MAP3K10: variants seen among roughly 807,000 people sequenced by gnomAD.
MAP3K10 encodes the protein mitogen-activated protein kinase kinase kinase 10.
In MAP3K10, 22 loss-of-function variants were observed where a neutral mutation model predicts 75.0. That is an observed-to-expected ratio of 0.29 (90% CI 0.21 to 0.42). MAP3K10 has a LOEUF of 0.42. Among genes scored for constraint, MAP3K10 ranks in the 10% least tolerant of loss-of-function variants. The pLI is 1.00. For missense variants in MAP3K10, 1,165 were observed against 1,379.8 expected (o/e 0.84, Z 2.47); for synonymous variants, 599 against 612.9 (o/e 0.98, Z 0.34).
chr19:40,196,948 A>G (rs1233820179), intron 1 of MAP3K10, among the ~76,000 whole-genome samples: 2 of 152,208 alleles, frequency 1.3e-5, no homozygotes, highest in Non-Finnish European at 2.9e-5. Flanking sequence ...CAACCCGGGT[A>G]GAAAGTAAGC....
At chr19:40,208,093 AC>A (rs1973156369) in intron 5 of MAP3K10, among the ~76,000 whole-genome samples, 1 of 152,112 alleles carries the variant, frequency 6.6e-6, no homozygotes, top group Non-Finnish European at 1.5e-5. Context: ...ACATATACAT[AC>A]CCAAGTTGCT....
At position 40,204,675 on chromosome 19, in the gene MAP3K10, T is replaced by C. The variant is rs772455490; in HGVS notation, c.1012+42T>C. 6.3e-7 allele frequency: 1 copy of C among 1,597,468 alleles called. No individual in the cohort carries two copies. The highest frequency in any genetic ancestry group is 8.5e-7 in the Non-Finnish European group (1 of 1,170,842). ...TGACGAGGGTAGGCTCAGCTTGGAG[T>C]GGCAGGGACCTGTGGGCCCAGACCT... On this transcript the variant is annotated intron_variant, in intron 3 of 9. Transcript: ENST00000253055. This position sits in a 1 kb window ranked among gnomAD's most constrained non-coding sequence, Gnocchi z 4.3.
chr19:40,209,349 C>A, intron 6 of MAP3K10, 130 bp downstream of exon 6: 3 of 598,344 alleles, frequency 5.0e-6, no homozygotes, highest in Non-Finnish European at 8.8e-6. Context: ...TTTCCTCATT[C>A]TTATCACAGG....
rs746603239 is a variant in MAP3K10, at chr19:40,213,624, C to T, written c.1945C>T (p.Arg649Trp). ...GCCTGCCGAGCCCTCCCCGGGGGCGCGGGCGCCGTGGGAGCCGACGCCGTC... is the reference window on the plus strand; with the variant it reads ...GCCTGCCGAGCCCTCCCCGGGGGCGTGGGCGCCGTGGGAGCCGACGCCGTC... ...PLPAEPSPGA[R>W]APWEPTPSAP... Residue 649 changes from arginine to tryptophan, a missense_variant, in exon 9 of 10, where the codon CGG (arginine) becomes TGG (tryptophan). Coordinates refer to ENST00000253055, the MANE Select transcript of MAP3K10 (RefSeq NM_002446.4). This position sits in a 1 kb window ranked among gnomAD's most constrained non-coding sequence, Gnocchi z 5.7. The T allele has an allele frequency of 2.6e-6, 4 of 1,533,910 alleles. No individual in the cohort carries two copies. Among genetic ancestry groups the T allele is most frequent in the South Asian group, 1.2e-5 (1 of 85,218 alleles).
chr19:40,192,262 C>A lies in MAP3K10; in HGVS notation c.231C>A (p.Ala77=), dbSNP rs1972831651. 6.2e-7 allele frequency: 1 copy of A among 1,601,332 alleles called. No homozygotes were observed. Among genetic ancestry groups the A allele is most frequent in the African/African-American group, 1.3e-5 (1 of 74,866 alleles). Residue 77 remains alanine (A), a synonymous_variant, in exon 1 of 10, where the codon GCC becomes GCA. Coordinates refer to ENST00000253055, the MANE Select transcript of MAP3K10 (RefSeq NM_002446.4). This position sits in a 1 kb window ranked among gnomAD's most constrained non-coding sequence, Gnocchi z 7.1. ...GCGTCTTCCCCAGCAACTACGTGGC[C>A]CCCGGCGCCCCCGCTGCACCCGCGG... ...RVGVFPSNYV[A]PGAPAAPAGL...
Position 40,209,535 on chromosome 19 carries a change from C to G in MAP3K10, c.1552+316C>G, listed in dbSNP as rs868006962. Among the ~76,000 whole-genome samples the G allele has an allele frequency of 3.3e-5, 5 of 152,044 alleles. 1 individual carries two copies. The South Asian group carries it at 1.0e-3, about 32-fold the overall frequency. The stretch of plus-strand genomic sequence containing the variant: ...TCCAGCGATTCTCCTGCCTCAGCCT[C>G]CCGAGTAGCTGTGGTTACAGTCACA... On this transcript the variant is annotated intron_variant, in intron 6 of 9. Coordinates refer to ENST00000253055, the MANE Select transcript of MAP3K10 (RefSeq NM_002446.4).
At position 40,205,633 on chromosome 19, in the gene MAP3K10, G is replaced by A. The variant is rs1056799387; in HGVS notation, c.1189-278G>A. ...TGAAATTGGATGATGGGTACAGGGG[G>A]GTGCACTGTTCTCTGCTTTTGTGGA... On this transcript the variant is annotated intron_variant, in intron 4 of 9. Coordinates refer to ENST00000253055, the MANE Select transcript of MAP3K10 (RefSeq NM_002446.4). This position sits in a 1 kb window ranked among gnomAD's most constrained non-coding sequence, Gnocchi z 4.3. 5.7e-6 allele frequency: 3 copies of A among 527,280 alleles called. No individual in the cohort carries two copies. The highest frequency in any genetic ancestry group is 6.1e-5 in the East Asian group (2 of 33,046). 32.7% of individuals were successfully genotyped at this position (527,280 alleles called of 1,614,324 possible).
chr19:40,197,383 T>C (rs975902904), intron 1 of MAP3K10, among the ~76,000 whole-genome samples: 1 of 152,164 alleles, frequency 6.6e-6, no homozygotes, highest in African/African-American at 2.4e-5. Flanking sequence ...TGGAGTTCAA[T>C]GGCGCAATCT....
chr19:40,201,977 C>T (rs1387724041), intron 2 of MAP3K10, among the ~76,000 whole-genome samples: 1 of 151,798 alleles, frequency 6.6e-6, no homozygotes, highest in African/African-American at 2.4e-5. Context: ...GTCCCCCACC[C>T]CCCAGGCTCC....
Position 40,192,759 on chromosome 19 carries a change from A to C in MAP3K10, c.682+46A>C. The C allele has an allele frequency of 6.9e-7, 1 of 1,450,938 alleles. No homozygotes were observed. Among genetic ancestry groups the C allele is most frequent in the Non-Finnish European group, 9.2e-7 (1 of 1,088,904 alleles). The allele number at this position is 1,450,938 out of a possible 1,614,324, so 89.9% of individuals were successfully genotyped here. A position where few individuals can be genotyped will look rare whatever the true frequency, so the allele number is the denominator to read the frequency against. On this transcript the variant is annotated intron_variant, in intron 1 of 9. Transcript: ENST00000253055. The surrounding 1 kb of genome is among the most constrained non-coding windows in gnomAD (Gnocchi z 7.1). ...AAAATTCCTTCCACAGAACCTCTCA[A>C]GGCCAGGCCTAGGTGGTGGGAAACA...
chr19:40,206,244 A>G (rs1973119954), intron 5 of MAP3K10, 87 bp downstream of exon 5: 4 of 1,463,608 alleles, frequency 2.7e-6, no homozygotes, highest in Admixed American at 2.3e-5. Flanking sequence ...TTCTTTTTCA[A>G]CTTGTTTTTA....
chr19:40,207,646 A>G (rs1166012842), intron 5 of MAP3K10, among the ~76,000 whole-genome samples: 1 of 151,878 alleles, frequency 6.6e-6, no homozygotes, highest in African/African-American at 2.4e-5. Flanking sequence ...GAGGCAGGAG[A>G]ATCGCTTGAA....
chr19:40,209,137 A>C lies in MAP3K10; in HGVS notation c.1470A>C (p.Pro490=), dbSNP rs1405575263. ...FEHKITVQAS[P]TLDKRKGSDG... ...ATAAGATCACAGTCCAGGCCTCTCC[A>C]ACTCTGGATAAGCGGAAAGGATCCG... The change falls in exon 6 of 10, where the codon CCA becomes CCC. Residue 490 remains proline (P), a synonymous_variant. Transcript: ENST00000253055. The C allele has an allele frequency of 1.9e-6, 3 of 1,614,192 alleles. No homozygotes were observed. In the South Asian group the frequency reaches 3.3e-5, roughly 18 times the overall value.
intron 5 of MAP3K10, among the ~76,000 whole-genome samples, chr19:40,208,459 G>A (rs1202430699): frequency 6.9e-6 from 1 of 144,996 alleles, no homozygotes; most frequent in East Asian, 2.1e-4. Flanking sequence ...GCCTCCCAAA[G>A]TGCTGGGATT....
Position 40,191,861 on chromosome 19 carries a change from C to T in MAP3K10, c.-171C>T, listed in dbSNP as rs1325635626. The T allele has an allele frequency of 2.2e-5, 10 of 449,668 alleles. No homozygotes were observed. Among genetic ancestry groups the T allele is most frequent in the Non-Finnish European group, 2.3e-5 (6 of 257,774 alleles). 27.9% of individuals were successfully genotyped at this position (449,668 alleles called of 1,614,324 possible). Reference sequence around the variant, plus strand: ...CCAAATCGGAAGGGACGAGCCTGCCCTTTGAAAGGGTTTTTTTTCTTGCTC... The same window carrying T: ...CCAAATCGGAAGGGACGAGCCTGCCTTTTGAAAGGGTTTTTTTTCTTGCTC... On this transcript the variant is annotated 5_prime_UTR_variant, in exon 1 of 10. Transcript: ENST00000253055.
chr19:40,194,230 A>G (rs1344270846), intron 1 of MAP3K10, among the ~76,000 whole-genome samples: 2 of 152,142 alleles, frequency 1.3e-5, no homozygotes, highest in African/African-American at 4.8e-5. Context: ...GCATGGTGGC[A>G]TGCATCTGTA....
intron 6 of MAP3K10, among the ~76,000 whole-genome samples, chr19:40,209,739 G>A (rs1217183449): frequency 1.3e-5 from 2 of 152,204 alleles, no homozygotes; most frequent in Middle Eastern, 3.4e-3. Flanking sequence ...GTAGTGATAA[G>A]TTCTTTAAAG....
At chr19:40,197,751 G>A (rs537721157) in intron 1 of MAP3K10, among the ~76,000 whole-genome samples, 3 of 152,294 alleles carry the variant, frequency 2.0e-5, no homozygotes, top group Admixed American at 1.3e-4. Context: ...GGGAAGCCAC[G>A]TTCCTCCCTT....
chr19:40,192,390 A>C lies in MAP3K10; in HGVS notation c.359A>C (p.Glu120Ala), dbSNP rs1433956684. 7.4e-6 allele frequency: 12 copies of C among 1,613,834 alleles called. No individual in the cohort carries two copies. Among genetic ancestry groups the C allele is most frequent in the Non-Finnish European group, 1.0e-5 (12 of 1,179,924 alleles). Residue 120 changes from glutamate to alanine, a missense_variant, in exon 1 of 10, where the codon GAG becomes GCG. Transcript: ENST00000253055. The surrounding 1 kb of genome is among the most constrained non-coding windows in gnomAD (Gnocchi z 7.1). ...GKVYRALWRGEEVAVKAARLD... is the reference protein window; with the variant it reads ...GKVYRALWRGAEVAVKAARLD... ...GTCTATCGGGCCCTGTGGCGTGGCG[A>C]GGAGGTGGCAGTCAAGGCCGCCCGG...
Sources: allele counts gnomAD v4.1 joint callset (sites outside exome capture counted in the v4.1 genomes callset), GRCh38; gene constraint gnomAD v4.1.1; non-coding constraint Gnocchi (gnomAD v3.1); transcripts MANE v1.5; gene names NCBI Gene and HGNC (gene_info 2026-07-23, HGNC 2026-07-21).